PSPC1: variants seen among roughly 807,000 people sequenced by gnomAD.
PSPC1 encodes paraspeckle component 1.
In PSPC1, 14 loss-of-function variants were observed where a neutral mutation model predicts 51.6. The observed-to-expected ratio is 0.27, with a 90% CI of 0.18 to 0.42. The LOEUF (loss-of-function observed/expected upper bound fraction) is 0.42, where lower values mean the gene tolerates loss of function less well. PSPC1 is among the 10% of genes least tolerant of loss of function. The pLI is 1.00. For missense variants in PSPC1, 406 were observed against 701.1 expected (o/e 0.58, Z 4.75); for synonymous variants, 193 against 231.9 (o/e 0.83, Z 1.53).
At chr13:19,691,731 C>T (rs1319358403) in intron 6 of PSPC1, among the ~76,000 whole-genome samples, 2 of 152,072 alleles carry the variant, frequency 1.3e-5, no homozygotes, top group Non-Finnish European at 2.9e-5. Flanking sequence ...CCAGCCTGGC[C>T]AACATGGTGA....
intron 6 of PSPC1, among the ~76,000 whole-genome samples, chr13:19,680,832 C>A (rs1877188846): frequency 6.6e-6 from 1 of 152,168 alleles, no homozygotes; most frequent in South Asian, 2.1e-4. Flanking sequence ...CCTCTAACCA[C>A]CCCCTAAGAT....
intron 6 of PSPC1, among the ~76,000 whole-genome samples, chr13:19,693,066 T>C (rs1878758186): frequency 2.0e-5 from 3 of 152,160 alleles, no homozygotes; most frequent in Non-Finnish European, 4.4e-5. Context: ...TATAATCTTA[T>C]CTCAACTTTA....
intron 6 of PSPC1, among the ~76,000 whole-genome samples, chr13:19,726,392 A>G (rs1672363952): frequency 6.6e-6 from 1 of 152,194 alleles, no homozygotes; most frequent in Admixed American, 6.5e-5. Context: ...ACCTAGACAC[A>G]CTGAATCAAA....
At chr13:19,779,280 G>A (rs1889595421) in intron 1 of PSPC1, among the ~76,000 whole-genome samples, 1 of 12,460 alleles carries the variant, frequency 8.0e-5, no homozygotes, top group Non-Finnish European at 4.0e-4. Flanking sequence ...GGAGGGAGGT[G>A]GGGGGGGTCA....
At chr13:19,684,051 ATC>A (rs1254074419) in intron 6 of PSPC1, among the ~76,000 whole-genome samples, 1 of 152,196 alleles carries the variant, frequency 6.6e-6, no homozygotes, top group African/African-American at 2.4e-5. Flanking sequence ...ATCTTAGAAT[ATC>A]TGTCTGCTTT....
chr13:19,745,144 A>G (rs151206457), intron 4 of PSPC1, among the ~76,000 whole-genome samples: 157 of 152,112 alleles, frequency 1.0e-3, no homozygotes, highest in Admixed American at 2.0e-3. Flanking sequence ...ATGGCAAAAT[A>G]CTGTCTCTAT....
At chr13:19,674,780 A>T (rs886181283) in exon 8 of PSPC1, 4 of 152,268 alleles carry the variant, frequency 2.6e-5, no homozygotes, top group Non-Finnish European at 5.9e-5. Context: ...TTAATATTTC[A>T]TGCAGTTAAC....
chr13:19,687,001 A>G (rs1165470062), intron 6 of PSPC1, among the ~76,000 whole-genome samples: 1 of 152,156 alleles, frequency 6.6e-6, no homozygotes, highest in Non-Finnish European at 1.5e-5. Flanking sequence ...GTTCGAGACC[A>G]GCCTGGCTAA....
intron 5 of PSPC1, among the ~76,000 whole-genome samples, chr13:19,735,332 G>C (rs191003485): frequency 6.6e-6 from 1 of 151,934 alleles, no homozygotes; most frequent in African/African-American, 2.4e-5. Context: ...CCAAAGAAAC[G>C]AAGTGGGTAG....
At chr13:19,745,841 G>A (rs370039802) in intron 4 of PSPC1, among the ~76,000 whole-genome samples, 2 of 151,882 alleles carry the variant, frequency 1.3e-5, no homozygotes, top group Non-Finnish European at 2.9e-5. Flanking sequence ...GGATGGTCTC[G>A]ATCTCCTGTC....
At position 19,725,481 on chromosome 13, in the gene PSPC1, C is replaced by G. The variant is rs562424762; in HGVS notation, c.1158+4758G>C. Among the ~76,000 whole-genome samples the G allele has an allele frequency of 2.0e-5, 3 of 152,278 alleles. 1 individual carries two copies. The highest frequency in any genetic ancestry group is 7.2e-5 in the African/African-American group (3 of 41,560). On this transcript the variant is annotated intron_variant, in intron 6 of 8. Coordinates refer to ENST00000338910, the MANE Select transcript of PSPC1 (RefSeq NM_001354909.2). ...CCCTTCAACTCTCGGATTCAGAGGT[C>G]AGCAAACATTTCAGGTAAAGGGTCA... is the stretch of plus-strand genomic sequence containing the variant.
At chr13:19,741,970 A>G (rs1885478107) in intron 4 of PSPC1, among the ~76,000 whole-genome samples, 2 of 152,126 alleles carry the variant, frequency 1.3e-5, no homozygotes, top group Admixed American at 6.6e-5. Flanking sequence ...CAACTCTACC[A>G]AAACTACAAA....
At chr13:19,761,487 G>T (rs1425105881) in intron 2 of PSPC1, among the ~76,000 whole-genome samples, 2 of 151,648 alleles carry the variant, frequency 1.3e-5, no homozygotes, top group Non-Finnish European at 2.9e-5. Context: ...GAGATGAAGG[G>T]TTTTTGGACT....
At chr13:19,743,670 G>T (rs1446854836) in intron 4 of PSPC1, among the ~76,000 whole-genome samples, 1 of 152,146 alleles carries the variant, frequency 6.6e-6, no homozygotes, top group Admixed American at 6.6e-5. Context: ...GTCTGTTTTG[G>T]TATATGAGAC....
chr13:19,675,279 T>G (rs1593501521), intron 7 of PSPC1: 1 of 152,318 alleles, frequency 6.6e-6, no homozygotes, highest in African/African-American at 2.4e-5. Flanking sequence ...CCTCTAATGG[T>G]TCCCAGGCAC....
At chr13:19,728,834 T>A (rs3783039) in intron 6 of PSPC1, among the ~76,000 whole-genome samples, 1 of 151,974 alleles carries the variant, frequency 6.6e-6, no homozygotes, top group Admixed American at 6.6e-5. Context: ...AATACGGATA[T>A]CCCAAAAAGT....
intron 2 of PSPC1, among the ~76,000 whole-genome samples, chr13:19,761,784 T>C (rs1171645634): frequency 6.6e-6 from 1 of 152,114 alleles, no homozygotes; most frequent in Non-Finnish European, 1.5e-5. Flanking sequence ...TTATGGACCA[T>C]TCATCCGCTG....
In PSPC1 at chr13:19,730,265, C is replaced by T. The variant is rs1300177728; in HGVS notation, c.1132G>A (p.Gly378Ser). Residue 378 changes from glycine (G) to serine (S), a missense_variant, in exon 6 of 9, where the codon GGC becomes AGC. Physicochemically the swap from Gly to Ser is moderately conservative, Grantham distance 56 (BLOSUM62 0). Transcript: ENST00000338910. ...EQEELRRQQE[G>S]FKPNYMENRE... The stretch of plus-strand genomic sequence containing the variant: ...TTTTCCATGTAGTTTGGCTTAAAGC[C>T]CTCTTGCTGTCGCCTCAGTTCCTCC... 1.9e-6 allele frequency: 3 copies of T among 1,613,238 alleles called. No individual in the cohort carries two copies. The highest frequency in any genetic ancestry group is 2.2e-5 in the East Asian group (1 of 44,860).
chr13:19,741,747 T>C (rs1157120088), intron 4 of PSPC1, 98 bp from the exon 5 acceptor site: 4 of 653,590 alleles, frequency 6.1e-6, no homozygotes, highest in Middle Eastern at 4.4e-4. Flanking sequence ...AATATATTGG[T>C]ATATTACTCA....
Sources: allele counts gnomAD v4.1 joint callset (sites outside exome capture counted in the v4.1 genomes callset), GRCh38; gene constraint gnomAD v4.1.1; transcripts MANE v1.5; gene names NCBI Gene and HGNC (gene_info 2026-07-23, HGNC 2026-07-21).